LOXHD1: variants seen among roughly 807,000 people sequenced by gnomAD.
LOXHD1 encodes lipoxygenase homology PLAT domains 1.
Under a neutral mutation model 248.2 loss-of-function variants are expected in LOXHD1, and 205 were observed. That is an observed-to-expected ratio of 0.83 (90% CI 0.74 to 0.93). The LOEUF is 0.93. Ranked by LOEUF, LOXHD1 falls within the 40% of genes least tolerant of loss-of-function variation. The probability of loss-of-function intolerance (pLI) is 0.00; values close to 1 mark genes in which losing one functional copy is unlikely to be tolerated. For synonymous variants in LOXHD1, 1,113 were observed against 1,162.8 expected, an observed-to-expected ratio of 0.96 and a Z score of 0.87; for missense variants, 2,930 against 2,971.6, an observed-to-expected ratio of 0.99 and a Z score of 0.33.
intron 12 of LOXHD1, among the ~76,000 whole-genome samples, chr18:46,583,825 T>C (rs2038007720): frequency 7.1e-6 from 1 of 139,884 alleles, no homozygotes; most frequent in Admixed American, 7.3e-5. Flanking sequence ...GATCCAATAA[T>C]CCCATTACTG....
intron 29 of LOXHD1, among the ~76,000 whole-genome samples, chr18:46,525,404 G>C (rs1454557318): frequency 6.6e-6 from 1 of 152,142 alleles, no homozygotes; most frequent in Non-Finnish European, 1.5e-5. Flanking sequence ...ATGCTGAGAG[G>C]GAGTTAGATG....
In LOXHD1 at chr18:46,632,413, G is replaced by C. The variant is rs147171915; in HGVS notation, c.511+7203C>G. Among the ~76,000 whole-genome samples the C allele has an allele frequency of 4.3e-4, 66 of 152,290 alleles. 1 individual carries two copies. The highest frequency in any genetic ancestry group is 1.5e-3 in the African/African-American group (61 of 41,564). ...TCCACAGGCTCAGCATCTTAGGGCA[G>C]CTCAAGAGGGCATTGCCAACAGCAG... On this transcript the variant is annotated intron_variant, in intron 4 of 40. Transcript: ENST00000642948.
At chr18:46,579,497 C>G in intron 13 of LOXHD1, 133 bp downstream of exon 13, 1 of 1,228,098 alleles carries the variant, frequency 8.1e-7, no homozygotes, top group African/African-American at 1.5e-5. Flanking sequence ...GCCCCCTTAC[C>G]CAGAGTGAGG....
At chr18:46,651,727 A>G (rs1487981185) in intron 1 of LOXHD1, among the ~76,000 whole-genome samples, 5 of 152,042 alleles carry the variant, frequency 3.3e-5, no homozygotes, top group Non-Finnish European at 7.4e-5. Flanking sequence ...TAGGGAAGGT[A>G]TTTGGAATGC....
In LOXHD1 at chr18:46,534,140, G is replaced by T. The variant is rs187629638; in HGVS notation, c.4212+195C>A. 1.8e-3 allele frequency among the ~76,000 whole-genome samples: 272 copies of T among 152,226 alleles called. 4 individuals are homozygous for T. The highest frequency in any genetic ancestry group is 6.2e-3 in the African/African-American group (257 of 41,554). On this transcript the variant is annotated intron_variant, in intron 27 of 40. Coordinates refer to ENST00000642948, the MANE Select transcript of LOXHD1 (RefSeq NM_001384474.1). ...TGCCCAGACCCTCCTCCTCAACCAC[G>T]AAACCAGGTTCTAGAAAATTCTGCT...
At position 46,515,060 on chromosome 18, in the gene LOXHD1, T is replaced by C. The variant is rs1175354028; in HGVS notation, c.5399+3069A>G. On this transcript the variant is annotated intron_variant, in intron 34 of 40. Coordinates refer to ENST00000642948, the MANE Select transcript of LOXHD1 (RefSeq NM_001384474.1). The stretch of plus-strand genomic sequence containing the variant: ...TTCTCTGAAGTGGCAAGATGAGAAG[T>C]TGGGAAATTTAGCTGGGGAGTGGGA... Among the ~76,000 whole-genome samples, 4 of 152,134 alleles carry C rather than the reference T, an allele frequency of 2.6e-5. No homozygotes were observed. In the South Asian group the frequency reaches 6.2e-4, roughly 24 times the overall value.
chr18:46,533,056 C>A, intron 28 of LOXHD1, 106 bp downstream of exon 28: 1 of 1,252,008 alleles, frequency 8.0e-7, no homozygotes, highest in South Asian at 1.5e-5. Context: ...TAACAACAGA[C>A]CCTACTCCTG....
chr18:46,492,777 T>C (rs971684466), intron 37 of LOXHD1, among the ~76,000 whole-genome samples: 12 of 152,318 alleles, frequency 7.9e-5, no homozygotes, highest in African/African-American at 2.6e-4. Flanking sequence ...TATATCAAAA[T>C]ATAAATACGG....
chr18:46,573,039 A>AAAAAG (rs2037786218), intron 14 of LOXHD1, among the ~76,000 whole-genome samples: 1 of 151,010 alleles, frequency 6.6e-6, no homozygotes, highest in Non-Finnish European at 1.5e-5. Flanking sequence ...AAAAAAAAAA[A>AAAAAG]AAAAAAAGAC....
At chr18:46,485,223 G>A (rs907229548) in intron 38 of LOXHD1, 72 bp from the exon 39 acceptor site, 51 of 1,505,272 alleles carry the variant, frequency 3.4e-5, no homozygotes, top group Non-Finnish European at 4.5e-5. Flanking sequence ...GAGCAAGAGG[G>A]TCACGGCCTC....
intron 17 of LOXHD1, 86 bp from the exon 18 acceptor site, chr18:46,563,311 T>G: frequency 1.5e-6 from 2 of 1,312,638 alleles, no homozygotes; most frequent in Non-Finnish European, 2.0e-6. Context: ...TTCCTGAGCC[T>G]GTTCCAGGTG....
chr18:46,547,249 A>T (rs1398958682), intron 21 of LOXHD1, among the ~76,000 whole-genome samples, 191 bp from the exon 22 acceptor site: 1 of 152,170 alleles, frequency 6.6e-6, no homozygotes, highest in Admixed American at 6.5e-5. Context: ...GGTAGAGAAC[A>T]AACTTGGGGA....
intron 9 of LOXHD1, 109 bp from the exon 10 acceptor site, chr18:46,593,869 A>G (rs1218302240): frequency 6.9e-6 from 8 of 1,167,694 alleles, no homozygotes; most frequent in African/African-American, 4.6e-5. Flanking sequence ...AGGGCGGGGT[A>G]TACACAGGTG....
At chr18:46,544,280 A>G (rs1327650217) in intron 23 of LOXHD1, among the ~76,000 whole-genome samples, 1 of 152,228 alleles carries the variant, frequency 6.6e-6, no homozygotes, top group Non-Finnish European at 1.5e-5. Flanking sequence ...CCAAATGTCA[A>G]AAAAGGACAG....
At chr18:46,612,145 G>A (rs1329815563) in intron 5 of LOXHD1, among the ~76,000 whole-genome samples, 1 of 152,138 alleles carries the variant, frequency 6.6e-6, no homozygotes, top group African/African-American at 2.4e-5. Context: ...TCTACTGATG[G>A]ACATTTAGGT....
At chr18:46,554,360 G>C (rs1436661875) in intron 21 of LOXHD1, among the ~76,000 whole-genome samples, 1 of 152,158 alleles carries the variant, frequency 6.6e-6, no homozygotes. Context: ...CCTTTTGGCT[G>C]CAAAGGCCTT....
At chr18:46,517,071 T>C (rs2035292259) in intron 34 of LOXHD1, among the ~76,000 whole-genome samples, 1 of 152,176 alleles carries the variant, frequency 6.6e-6, no homozygotes, top group South Asian at 2.1e-4. Context: ...GCCCTCCAGC[T>C]AAGGGAAGGA....
Position 46,545,384 on chromosome 18 carries a change from C to T in LOXHD1, c.3552G>A (p.Gly1184=). The T allele has an allele frequency of 6.4e-7, 1 of 1,551,988 alleles. No individual in the cohort carries two copies. Reference sequence around the variant, plus strand: ...CATCTGTGCCCGCATTCTTCTTAACCCCAGTCTTTATGGTCACTGAGAATG... The same window carrying T: ...CATCTGTGCCCGCATTCTTCTTAACTCCAGTCTTTATGGTCACTGAGAATG... ...STTFSVTIKT[G]VKKNAGTDAN... The change falls in exon 23 of 41, where the codon GGG becomes GGA. Residue 1184 remains glycine, a synonymous_variant. Coordinates refer to ENST00000642948, the MANE Select transcript of LOXHD1 (RefSeq NM_001384474.1).
At chr18:46,525,168 C>G (rs933813140) in intron 29 of LOXHD1, among the ~76,000 whole-genome samples, 2 of 152,194 alleles carry the variant, frequency 1.3e-5, no homozygotes, top group African/African-American at 4.8e-5. Context: ...CACCACATTC[C>G]TTTTGGGAGA....
Sources: gnomAD v4.1 joint callset for allele counts (sites outside exome capture counted in the v4.1 genomes callset) on GRCh38, gnomAD v4.1.1 for gene constraint, MANE v1.5 for transcripts, NCBI Gene and HGNC (gene_info 2026-07-23, HGNC 2026-07-21) for gene names.